SND1: variants seen among roughly 807,000 people sequenced by gnomAD.
SND1 encodes the protein staphylococcal nuclease and tudor domain containing 1, also known as staphylococcal nuclease domain-containing protein 1.
In SND1, 38 loss-of-function variants were observed where a neutral mutation model predicts 121.7. The ratio of observed to expected loss-of-function variants is 0.31; its 90% CI spans 0.24 to 0.41. SND1 has a LOEUF of 0.41. Ranked by LOEUF, SND1 falls within the 10% of genes least tolerant of loss-of-function variation. SND1 has a pLI of 1.00. For missense variants in SND1, 868 were observed against 1,184.6 expected, an observed-to-expected ratio of 0.73 and a Z score of 3.92; for synonymous variants, 401 against 447.4, an observed-to-expected ratio of 0.90 and a Z score of 1.31.
chr7:127,844,561 G>A, intron 12 of SND1, 137 bp downstream of exon 12: 1 of 615,504 alleles, frequency 1.6e-6, no homozygotes, highest in Non-Finnish European at 2.8e-6. Context: ...TTTTGTGCCT[G>A]TGTAGCACTT....
intron 16 of SND1, among the ~76,000 whole-genome samples, chr7:128,045,215 GCC>G (rs1011714829): frequency 1.1e-4 from 16 of 152,314 alleles, no homozygotes; most frequent in African/African-American, 3.9e-4. Flanking sequence ...GTGCTGGGCT[GCC>G]TGTTCCCTCT....
intron 15 of SND1, among the ~76,000 whole-genome samples, chr7:127,973,700 A>G (rs1391490674): frequency 1.3e-5 from 2 of 152,216 alleles, no homozygotes; most frequent in African/African-American, 2.4e-5. Flanking sequence ...GTACTGTGTC[A>G]TATCTATGTG....
chr7:128,034,966 AAAG>A (rs1463614000), intron 16 of SND1, among the ~76,000 whole-genome samples: 1 of 152,208 alleles, frequency 6.6e-6, no homozygotes, highest in Non-Finnish European at 1.5e-5. Context: ...AATAAGAAGG[AAAG>A]AAGGCTACTT....
At chr7:127,826,330 AT>A (rs988889356) in intron 11 of SND1, among the ~76,000 whole-genome samples, 9 of 150,874 alleles carry the variant, frequency 6.0e-5, no homozygotes, top group African/African-American at 1.9e-4. Flanking sequence ...TGTTCATCTT[AT>A]TTTTTTTTGA....
intron 1 of SND1, among the ~76,000 whole-genome samples, chr7:127,673,407 G>C (rs1795560182): frequency 1.3e-5 from 2 of 152,074 alleles, no homozygotes; most frequent in Non-Finnish European, 2.9e-5. Flanking sequence ...TGCCTCCTGG[G>C]TTTAAGCAAT....
intron 16 of SND1, among the ~76,000 whole-genome samples, chr7:128,055,185 G>C (rs1327949855): frequency 6.6e-6 from 1 of 152,146 alleles, no homozygotes; most frequent in Non-Finnish European, 1.5e-5. Flanking sequence ...CCAGTCAGGG[G>C]GTTGGGAGGC....
chr7:127,914,866 CT>C (rs1383567624), intron 14 of SND1, among the ~76,000 whole-genome samples: 1 of 152,134 alleles, frequency 6.6e-6, no homozygotes, highest in Non-Finnish European at 1.5e-5. Flanking sequence ...GTTATTTTTT[CT>C]TTCTGTACCT....
chr7:128,073,576 A>G (rs1584774093), intron 16 of SND1, among the ~76,000 whole-genome samples: 1 of 152,308 alleles, frequency 6.6e-6, no homozygotes, highest in African/African-American at 2.4e-5. Flanking sequence ...GAGAATTCCC[A>G]GGTATTTAGA....
rs1030023885 is a variant in SND1 at position 127,892,847 on chromosome 7, C to G, written c.1454+4835C>G. 8.2e-5 allele frequency among the ~76,000 whole-genome samples: 12 copies of G among 145,618 alleles called. 1 individual carries two copies. In the Admixed American group the frequency reaches 8.3e-4, roughly 10 times the overall value. The stretch of plus-strand genomic sequence containing the variant: ...GCAGCTGACCCACAGTTCTCTGTGA[C>G]ACTCCTGAACTTGGTCTCCCTTTTT... On this transcript the variant is annotated intron_variant, in intron 13 of 23. Transcript: ENST00000354725.
chr7:127,932,965 T>C (rs1800984927), intron 15 of SND1, among the ~76,000 whole-genome samples: 2 of 152,332 alleles, frequency 1.3e-5, no homozygotes, highest in Non-Finnish European at 1.5e-5. Context: ...CTGTATATAT[T>C]CATCTCATCC....
chr7:127,688,877 C>G (rs1185852221), intron 2 of SND1, among the ~76,000 whole-genome samples: 1 of 152,070 alleles, frequency 6.6e-6, no homozygotes, highest in Non-Finnish European at 1.5e-5. Flanking sequence ...TTATGTGGAA[C>G]TTTTATTAAT....
At position 127,955,787 on chromosome 7, in the gene SND1, A is replaced by G. The variant is rs554499115; in HGVS notation, c.1669+26458A>G. On this transcript the variant is annotated intron_variant, in intron 15 of 23. Coordinates refer to ENST00000354725, the MANE Select transcript of SND1 (RefSeq NM_014390.4). ...GGCCTGTCTGCCTTGTACAAGGGAGACCATTCTAAGACACATATCTGCTCA... is the reference window on the plus strand; with the variant it reads ...GGCCTGTCTGCCTTGTACAAGGGAGGCCATTCTAAGACACATATCTGCTCA... Among the ~76,000 whole-genome samples the G allele has an allele frequency of 7.2e-5, 11 of 152,040 alleles. No individual in the cohort carries two copies. In the South Asian group the frequency reaches 1.3e-3, roughly 17 times the overall value.
At chr7:128,063,770 G>T (rs773867065) in intron 16 of SND1, among the ~76,000 whole-genome samples, 1 of 152,270 alleles carries the variant, frequency 6.6e-6, no homozygotes, top group African/African-American at 2.4e-5. Flanking sequence ...CAAGGGGTAA[G>T]TTGGGTAGGA....
At chr7:127,773,832 AC>A (rs1797563860) in intron 10 of SND1, among the ~76,000 whole-genome samples, 1 of 152,244 alleles carries the variant, frequency 6.6e-6, no homozygotes, top group East Asian at 1.9e-4. Flanking sequence ...AGGACAGACC[AC>A]ATATACTCTT....
chr7:128,053,979 A>G (rs68030304), intron 16 of SND1, among the ~76,000 whole-genome samples: 50,105 of 152,110 alleles, frequency 0.33, 8,889 homozygotes, highest in African/African-American at 0.44. Flanking sequence ...GGTAATGGGA[A>G]TGGCCGGTAC....
intron 10 of SND1, among the ~76,000 whole-genome samples, chr7:127,778,569 A>C (rs2116514071): frequency 6.6e-6 from 1 of 152,338 alleles, no homozygotes; most frequent in Admixed American, 6.5e-5. Context: ...GAAAGAGGAT[A>C]GTTTGTAGTC....
intron 15 of SND1, among the ~76,000 whole-genome samples, chr7:127,929,834 G>A (rs781108562): frequency 5.3e-5 from 8 of 152,128 alleles, no homozygotes; most frequent in South Asian, 4.1e-4. Flanking sequence ...GCTTTCACAC[G>A]CTCTTCCCAC....
intron 10 of SND1, among the ~76,000 whole-genome samples, chr7:127,785,517 A>G (rs566510925): frequency 3.9e-5 from 6 of 152,360 alleles, no homozygotes; most frequent in African/African-American, 1.4e-4. Context: ...AACTTGAGCC[A>G]TTTAAGCCTT....
chr7:127,845,073 T>C (rs1471406146), intron 12 of SND1, among the ~76,000 whole-genome samples: 1 of 152,258 alleles, frequency 6.6e-6, no homozygotes, highest in Non-Finnish European at 1.5e-5. Flanking sequence ...CCTTTTCCAT[T>C]TAACAATCTT....
Sources: allele counts gnomAD v4.1 joint callset (sites outside exome capture counted in the v4.1 genomes callset), GRCh38; gene constraint gnomAD v4.1.1; transcripts MANE v1.5; gene names NCBI Gene and HGNC (gene_info 2026-07-23, HGNC 2026-07-21).